The following NEDD4L variants were observed in gnomAD, a reference collection of about 807,000 sequenced individuals.
The protein encoded by NEDD4L is NEDD4 like E3 ubiquitin protein ligase, also known as E3 ubiquitin-protein ligase NEDD4-like.
NEDD4L carries 54 observed loss-of-function variants against 148.9 expected under a neutral mutation model. The observed-to-expected ratio is 0.36, with a 90% confidence interval of 0.29 to 0.45. The LOEUF is 0.45. NEDD4L is among the 20% of genes least tolerant of loss of function. NEDD4L has a pLI of 1.00. For synonymous variants in NEDD4L, 433 were observed against 440.7 expected (o/e 0.98, Z 0.22); for missense variants, 856 against 1,233.8 (o/e 0.69, Z 4.59).
intron 5 of NEDD4L, among the ~76,000 whole-genome samples, chr18:58,291,283 C>G (rs1289779421): frequency 6.6e-6 from 1 of 152,232 alleles, no homozygotes. Context: ...TCACAGCCCC[C>G]ACTCAGAGGT....
At chr18:58,214,880 C>T (rs1369012984) in intron 2 of NEDD4L, among the ~76,000 whole-genome samples, 2 of 149,920 alleles carry the variant, frequency 1.3e-5, no homozygotes, top group African/African-American at 4.9e-5. Context: ...GATGCCATCT[C>T]AGCTCACTGC....
At chr18:58,268,863 G>A (rs1472549768) in intron 5 of NEDD4L, among the ~76,000 whole-genome samples, 1 of 151,950 alleles carries the variant, frequency 6.6e-6, no homozygotes, top group Non-Finnish European at 1.5e-5. Flanking sequence ...AAGTCCTTGG[G>A]GAGGAGGGGA....
rs1453963020 is a variant in NEDD4L, at chr18:58,396,302, A to G, written c.*33A>G. 2 of 1,449,654 alleles carry G rather than the reference A, an allele frequency of 1.4e-6. No individual in the cohort carries two copies. Among genetic ancestry groups the G allele is most frequent in the Non-Finnish European group, 1.9e-6 (2 of 1,037,466 alleles). 89.8% of individuals were successfully genotyped at this position (1,449,654 alleles called of 1,614,324 possible). A position where few individuals can be genotyped will look rare whatever the true frequency, so the allele number is the denominator to read the frequency against. On this transcript the variant is annotated 3_prime_UTR_variant, in exon 31 of 31. Coordinates refer to ENST00000400345, the MANE Select transcript of NEDD4L (RefSeq NM_001144967.3). ...GTGCCTCGGGGGTGGTTGTTCTTCA[A>G]GCAAGTTCTGCTTGCACTTTTGCAT...
At chr18:58,294,472 T>C (rs2055248630) in intron 5 of NEDD4L, among the ~76,000 whole-genome samples, 1 of 152,168 alleles carries the variant, frequency 6.6e-6, no homozygotes, top group African/African-American at 2.4e-5. Context: ...AATAAAAATA[T>C]GGCAGCCCTG....
At chr18:58,245,388 A>G (rs2047133731) in intron 2 of NEDD4L, 39 bp from the exon 3 acceptor site, 2 of 961,680 alleles carry the variant, frequency 2.1e-6, no homozygotes, top group South Asian at 1.6e-5. Flanking sequence ...TTTTGAATGA[A>G]AAGTATAATC....
At chr18:58,318,284 A>G (rs1457043565) in intron 6 of NEDD4L, among the ~76,000 whole-genome samples, 1 of 152,258 alleles carries the variant, frequency 6.6e-6, no homozygotes, top group African/African-American at 2.4e-5. Flanking sequence ...GACCAGGCAC[A>G]GTGGCTCATG....
intron 3 of NEDD4L, among the ~76,000 whole-genome samples, chr18:58,245,846 ATT>A (rs58940181): frequency 0.11 from 10,146 of 90,656 alleles, 198 homozygotes; most frequent in East Asian, 0.19. Context: ...ATGCCTGGCT[ATT>A]TTTTTTTTTT....
chr18:58,156,424 A>G (rs1485115588), intron 1 of NEDD4L, among the ~76,000 whole-genome samples: 3 of 152,200 alleles, frequency 2.0e-5, no homozygotes, highest in African/African-American at 4.8e-5. Context: ...GGGAATTTTA[A>G]TTATTCCTGC....
At chr18:58,261,364 G>T (rs1242987163) in intron 5 of NEDD4L, among the ~76,000 whole-genome samples, 1 of 152,126 alleles carries the variant, frequency 6.6e-6, no homozygotes, top group African/African-American at 2.4e-5. Flanking sequence ...TGAGTCTACT[G>T]TTACTTTGGT....
chr18:58,131,324 CTG>C (rs1297588152), intron 1 of NEDD4L, among the ~76,000 whole-genome samples: 1 of 145,620 alleles, frequency 6.9e-6, no homozygotes, highest in Non-Finnish European at 1.5e-5. Flanking sequence ...GTTTTGGGCT[CTG>C]TTGGGATTTG....
intron 6 of NEDD4L, among the ~76,000 whole-genome samples, chr18:58,321,783 CACTT>C (rs1381695364): frequency 6.6e-6 from 1 of 152,212 alleles, no homozygotes; most frequent in Non-Finnish European, 1.5e-5. Flanking sequence ...GAAATAGTCA[CACTT>C]ATTTATCCAA....
At chr18:58,337,827 A>G (rs1468621881) in intron 13 of NEDD4L, among the ~76,000 whole-genome samples, 1 of 152,166 alleles carries the variant, frequency 6.6e-6, no homozygotes, top group African/African-American at 2.4e-5. Flanking sequence ...CTGTAGTCTA[A>G]TAAACAGGCC....
chr18:58,259,067 G>C (rs1354752956), intron 5 of NEDD4L, among the ~76,000 whole-genome samples: 1 of 152,172 alleles, frequency 6.6e-6, no homozygotes, highest in East Asian at 1.9e-4. Flanking sequence ...CTAGATTTGG[G>C]AATACCGCTC....
At chr18:58,376,181 C>T (rs1459785437) in intron 24 of NEDD4L, among the ~76,000 whole-genome samples, 1 of 152,200 alleles carries the variant, frequency 6.6e-6, no homozygotes, top group Non-Finnish European at 1.5e-5. Context: ...GTTTCCACCT[C>T]ATAAATGAAA....
chr18:58,066,761 G>T (rs1381712379), intron 1 of NEDD4L, among the ~76,000 whole-genome samples: 1 of 152,196 alleles, frequency 6.6e-6, no homozygotes, highest in Non-Finnish European at 1.5e-5. Context: ...CATAAGGGAA[G>T]GTGAAGAGGA....
intron 19 of NEDD4L, among the ~76,000 whole-genome samples, chr18:58,358,270 G>C (rs1471750031): frequency 6.6e-6 from 1 of 152,098 alleles, no homozygotes; most frequent in Non-Finnish European, 1.5e-5. Flanking sequence ...TTAGTCATTT[G>C]GGTACTATTT....
chr18:58,139,904 G>A (rs981435427), intron 1 of NEDD4L, among the ~76,000 whole-genome samples: 14 of 152,200 alleles, frequency 9.2e-5, no homozygotes, highest in African/African-American at 3.1e-4. Context: ...TGGAGGCTTT[G>A]TAGGTTATGT....
chr18:58,144,177 C>T (rs2033860351), intron 1 of NEDD4L, among the ~76,000 whole-genome samples: 2 of 150,614 alleles, frequency 1.3e-5, no homozygotes, highest in Non-Finnish European at 2.9e-5. Context: ...TAAAGAAACA[C>T]CTGAGACTAG....
intron 1 of NEDD4L, among the ~76,000 whole-genome samples, chr18:58,104,544 TGCTTC>T (rs958269497): frequency 8.5e-4 from 130 of 152,366 alleles, no homozygotes; most frequent in African/African-American, 3.0e-3. Flanking sequence ...ATAGAAAAGA[TGCTTC>T]GCTTGTATAA....
Sources: gnomAD v4.1 joint callset for allele counts (sites outside exome capture counted in the v4.1 genomes callset) on GRCh38, gnomAD v4.1.1 for gene constraint, MANE v1.5 for transcripts, NCBI Gene and HGNC (gene_info 2026-07-23, HGNC 2026-07-21) for gene names.